AFF1: variants seen among roughly 807,000 people sequenced by gnomAD.
AFF1 encodes ALF transcription elongation factor 1.
AFF1 carries 48 observed loss-of-function variants against 121.7 expected under a neutral mutation model. The ratio of observed to expected loss-of-function variants is 0.39; its 90% CI spans 0.31 to 0.50. AFF1 has a LOEUF of 0.50. AFF1 is among the 20% of genes least tolerant of loss of function. The pLI is 0.76. For missense variants in AFF1, 1,523 were observed against 1,511.7 expected, an observed-to-expected ratio of 1.01 and a Z score of -0.12; for synonymous variants, 613 against 563.0, an observed-to-expected ratio of 1.09 and a Z score of -1.26.
chr4:87,037,932 A>G (rs886344709), intron 2 of AFF1, among the ~76,000 whole-genome samples: 5 of 152,158 alleles, frequency 3.3e-5, no homozygotes, highest in Admixed American at 3.3e-4. Flanking sequence ...CAGTGTTTTC[A>G]AGGTTGATTT....
intron 4 of AFF1, among the ~76,000 whole-genome samples, chr4:87,050,468 T>C (rs912594179): frequency 3.9e-5 from 6 of 152,222 alleles, no homozygotes; most frequent in Admixed American, 6.5e-5. Context: ...TCCTTCATTC[T>C]CTAGCCACCT....
chr4:87,127,651 C>T lies in AFF1; in HGVS notation c.2912C>T (p.Ala971Val). Residue 971 changes from alanine (A) to valine (V), a missense_variant, in exon 16 of 21, where the codon GCA (alanine) becomes GTA (valine). This residue lies in a region of AFF1 where 905 missense variants were observed against 842.5 expected (regional missense o/e 1.07). Transcript: ENST00000395146. Reference sequence around the variant, plus strand: ...TTTTTCCTCTTTTTCAGACAACAAGCAGACCTTCACATGAGGGAGGCAAAA... The same window carrying T: ...TTTTTCCTCTTTTTCAGACAACAAGTAGACCTTCACATGAGGGAGGCAAAA... ...KPQVKFDKQQADLHMREAKKM... is the reference protein window; with the variant it reads ...KPQVKFDKQQVDLHMREAKKM... 6.2e-7 allele frequency: 1 copy of T among 1,614,148 alleles called. No individual in the cohort carries two copies. Among genetic ancestry groups the T allele is most frequent in the Non-Finnish European group, 8.5e-7 (1 of 1,180,030 alleles).
At chr4:87,000,605 C>CTGTG (rs57615388) in intron 2 of AFF1, among the ~76,000 whole-genome samples, 19,253 of 146,262 alleles carry the variant, frequency 0.13, 1,385 homozygotes, top group South Asian at 0.23. Context: ...AAAATAAACT[C>CTGTG]TGTGTGTGTG....
chr4:86,993,761 G>A (rs890778096), intron 2 of AFF1, among the ~76,000 whole-genome samples: 1 of 151,930 alleles, frequency 6.6e-6, no homozygotes, highest in Admixed American at 6.6e-5. Context: ...TCAGGAGTTC[G>A]AGACCAGCCT....
intron 2 of AFF1, chr4:87,007,152 C>A: frequency 7.6e-7 from 1 of 1,312,384 alleles, no homozygotes; most frequent in Non-Finnish European, 9.7e-7. Context: ...TCCCCGGGCT[C>A]GTCTGAAGTG....
intron 2 of AFF1, among the ~76,000 whole-genome samples, chr4:86,977,328 C>T (rs908105044): frequency 6.6e-6 from 1 of 152,094 alleles, no homozygotes; most frequent in Non-Finnish European, 1.5e-5. Context: ...GAGAGGACAG[C>T]GAGAAATTTC....
intron 4 of AFF1, among the ~76,000 whole-genome samples, chr4:87,068,317 T>C (rs1345567114): frequency 6.8e-6 from 1 of 146,226 alleles, no homozygotes; most frequent in African/African-American, 2.5e-5. Flanking sequence ...TGATATGCAT[T>C]TACACATAAT....
intron 12 of AFF1, among the ~76,000 whole-genome samples, chr4:87,121,611 C>G (rs537987072): frequency 6.6e-6 from 1 of 152,348 alleles, no homozygotes; most frequent in Non-Finnish European, 1.5e-5. Flanking sequence ...TGCCCGCTGG[C>G]TTGATCTCAA....
intron 4 of AFF1, among the ~76,000 whole-genome samples, chr4:87,064,694 C>T (rs1330942627): frequency 6.6e-6 from 1 of 152,102 alleles, no homozygotes; most frequent in South Asian, 2.1e-4. Context: ...GCCTGGGCAA[C>T]AGGGTGAAAC....
At chr4:87,095,666 T>A (rs1405820811) in intron 8 of AFF1, among the ~76,000 whole-genome samples, 1 of 152,228 alleles carries the variant, frequency 6.6e-6, no homozygotes, top group African/African-American at 2.4e-5. Context: ...AGAGCTAATC[T>A]TATTGCCCAG....
At position 87,091,848 on chromosome 4, in the gene AFF1, G is replaced by A. The variant is rs1244146412; in HGVS notation, c.1228+19G>A. On this transcript the variant is annotated intron_variant, in intron 7 of 20. Transcript: ENST00000395146. The stretch of plus-strand genomic sequence containing the variant: ...AACCAAAGTAAGTAAATTTGAAACT[G>A]CTTATTGGATTGGAGAACAAAGCAT... 1.3e-6 allele frequency: 2 copies of A among 1,546,598 alleles called. No homozygotes were observed. Among genetic ancestry groups the A allele is most frequent in the East Asian group, 2.3e-5 (1 of 43,044 alleles).
At chr4:86,999,055 G>C (rs1278405100) in intron 2 of AFF1, among the ~76,000 whole-genome samples, 1 of 152,218 alleles carries the variant, frequency 6.6e-6, no homozygotes, top group Admixed American at 6.5e-5. Context: ...TTCTCAGGCT[G>C]TCTCTTTCTC....
intron 2 of AFF1, among the ~76,000 whole-genome samples, chr4:86,995,310 CT>C: frequency 9.0e-6 from 1 of 110,996 alleles, no homozygotes; most frequent in African/African-American, 3.1e-5. Flanking sequence ...CCCTCCCCCT[CT>C]CCCCACGGTC....
chr4:86,986,368 G>A (rs1724278581), intron 2 of AFF1, among the ~76,000 whole-genome samples: 1 of 152,066 alleles, frequency 6.6e-6, no homozygotes, highest in Non-Finnish European at 1.5e-5. Context: ...ACCGTGCCTG[G>A]CCCTGAATCC....
At chr4:87,067,221 C>T (rs1022873119) in intron 4 of AFF1, among the ~76,000 whole-genome samples, 2 of 152,182 alleles carry the variant, frequency 1.3e-5, no homozygotes, top group African/African-American at 4.8e-5. Flanking sequence ...AAAATAACAT[C>T]TGCATTTTAT....
chr4:87,039,511 G>A (rs1729892612), intron 2 of AFF1, among the ~76,000 whole-genome samples: 1 of 152,200 alleles, frequency 6.6e-6, no homozygotes, highest in South Asian at 2.1e-4. Flanking sequence ...AACGTCTGTG[G>A]CACAGTCCCC....
Position 87,114,579 on chromosome 4 carries a change from C to G in AFF1, c.1746C>G (p.Pro582=). 1 of 1,561,476 alleles carries G rather than the reference C, an allele frequency of 6.4e-7. No homozygotes were observed. The highest frequency in any genetic ancestry group is 8.8e-7 in the Non-Finnish European group (1 of 1,138,484). ...KSSSKAPRAP[P]EAPHPGKRSC... ...CCAGCAAAGCCCCCCGGGCCCCACCCGAAGCCCCCCACCCCGGAAAGAGGA... is the reference window on the plus strand; with the variant it reads ...CCAGCAAAGCCCCCCGGGCCCCACCGGAAGCCCCCCACCCCGGAAAGAGGA... The change falls in exon 12 of 21, where the codon CCC becomes CCG. Residue 582 remains proline, a synonymous_variant. Coordinates refer to ENST00000395146, the MANE Select transcript of AFF1 (RefSeq NM_001166693.3).
chr4:87,007,280 A>G (rs1257649690), intron 2 of AFF1: 1 of 1,555,396 alleles, frequency 6.4e-7, no homozygotes, highest in Non-Finnish European at 8.6e-7. Flanking sequence ...TAGTCCCGTA[A>G]CATCGGGGCG....
chr4:87,108,161 C>T lies in AFF1; in HGVS notation c.1379C>T (p.Ala460Val), dbSNP rs778347005. The T allele has an allele frequency of 6.2e-7, 1 of 1,613,392 alleles. No individual in the cohort carries two copies. The highest frequency in any genetic ancestry group is 1.3e-5 in the African/African-American group (1 of 75,034). Residue 460 changes from alanine to valine, a missense_variant and splice_region_variant, in exon 11 of 21, where the codon GCT becomes GTT. By Grantham distance (64) the Ala-to-Val change is moderately conservative. Transcript: ENST00000395146. ...KPPSSSAPPSAPQSLPEPVAS... is the reference protein window; with the variant it reads ...KPPSSSAPPSVPQSLPEPVAS... Reference sequence around the variant, plus strand: ...TTTATCTTTTGGTTGCTTTGCAGTGCTCCACAGTCCCTTCCAGAACCAGTG... The same window carrying T: ...TTTATCTTTTGGTTGCTTTGCAGTGTTCCACAGTCCCTTCCAGAACCAGTG...
Sources: allele counts gnomAD v4.1 joint callset (sites outside exome capture counted in the v4.1 genomes callset), GRCh38; gene constraint gnomAD v4.1.1; regional missense constraint gnomAD v4.1.1; transcripts MANE v1.5; gene names NCBI Gene and HGNC (gene_info 2026-07-23, HGNC 2026-07-21).